The following RABL2A variants were observed in gnomAD, a reference collection of about 807,000 sequenced individuals.
RABL2A encodes the protein rab-like protein 2A.
RABL2A carries 17 observed loss-of-function variants against 30.7 expected under a neutral mutation model. That is an observed-to-expected ratio of 0.55 (90% confidence interval 0.38 to 0.83). RABL2A has a LOEUF of 0.83. RABL2A is among the 40% of genes least tolerant of loss of function. RABL2A has a pLI of 0.00. For synonymous variants in RABL2A, 64 were observed against 101.8 expected, an observed-to-expected ratio of 0.63 and a Z score of 2.24; for missense variants, 155 against 272.6, an observed-to-expected ratio of 0.57 and a Z score of 3.04.
intron 5 of RABL2A, chr2:113,637,669 A>G: frequency 7.8e-7 from 1 of 1,285,064 alleles, no homozygotes; most frequent in Non-Finnish European, 1.0e-6. Flanking sequence ...CAAGAGGATA[A>G]TGGGGCAAGG....
rs529314549 is a variant in RABL2A, at chr2:113,637,879, C to T, written c.297+2749C>T. ...TCTTCTGAAGGCCTGGGGTGTCTCT[C>T]CTGCCACCATGCCTGTGTCTGCAGG... On this transcript the variant is annotated intron_variant, in intron 5 of 8. Transcript: ENST00000683472. 196 of 1,251,028 alleles carry T rather than the reference C, an allele frequency of 1.6e-4. 2 individuals carry two copies. The South Asian group carries it at 2.6e-3, about 16-fold the overall frequency. 77.5% of individuals were successfully genotyped at this position (1,251,028 alleles called of 1,614,324 possible).
At chr2:113,640,232 T>C (rs1312316863) in intron 5 of RABL2A, 3 of 153,068 alleles carry the variant, frequency 2.0e-5, no homozygotes, top group Non-Finnish European at 4.4e-5. Context: ...TAAAACAGTT[T>C]AAGCAATAAA....
rs1684393488 is a variant in RABL2A, at chr2:113,639,747, T to A, written c.298-1147T>A. The stretch of plus-strand genomic sequence containing the variant: ...GGCGCACACCTGTAGTCCCAGCTAC[T>A]GAGGAGGCTGAGACAAGAGAATCAC... On this transcript the variant is annotated intron_variant, in intron 5 of 8. Transcript: ENST00000683472. Among the ~76,000 whole-genome samples, 3 of 151,862 alleles carry A rather than the reference T, an allele frequency of 2.0e-5. No homozygotes were observed. In the South Asian group the frequency reaches 6.2e-4, roughly 32 times the overall value.
chr2:113,636,876 C>G (rs1682973471), intron 5 of RABL2A, among the ~76,000 whole-genome samples: 1 of 151,970 alleles, frequency 6.6e-6, no homozygotes, highest in African/African-American at 2.4e-5. Context: ...GTAGTCCCAG[C>G]TACTCGGGAG....
chr2:113,637,976 G>T, intron 5 of RABL2A: 1 of 985,368 alleles, frequency 1.0e-6, no homozygotes, highest in Non-Finnish European at 1.2e-6. Context: ...GACCACACGG[G>T]GAGCTGAGGG....
chr2:113,632,992 C>T (rs183237298), intron 3 of RABL2A, 48 bp downstream of exon 3: 33 of 1,613,784 alleles, frequency 2.0e-5, no homozygotes, highest in African/African-American at 1.1e-4. Context: ...GGTCTTCCCA[C>T]GCTCATGTAT....
At chr2:113,633,938 A>G (rs1681451400) in intron 3 of RABL2A, 2 of 1,034,126 alleles carry the variant, frequency 1.9e-6, no homozygotes, top group South Asian at 1.7e-5. Flanking sequence ...GCCAGGACAC[A>G]CTCTCATCTC....
chr2:113,639,603 G>A lies in RABL2A; in HGVS notation c.298-1291G>A, dbSNP rs534793220. Among the ~76,000 whole-genome samples the A allele has an allele frequency of 1.8e-3, 279 of 151,780 alleles. 1 individual carries two copies. Among genetic ancestry groups the A allele is most frequent in the African/African-American group, 6.5e-3 (270 of 41,326 alleles). On this transcript the variant is annotated intron_variant, in intron 5 of 8. Coordinates refer to ENST00000683472, the MANE Select transcript of RABL2A (RefSeq NM_001306158.2). ...AGATAGCGCCACTGCACTCCAGCCT[G>A]GGCAACAGAGCAAGACTCCATATAT...
rs80006029 is a variant in RABL2A at position 113,640,951 on chromosome 2, C to T, written c.355C>T (p.Leu119Phe). The T allele has an allele frequency of 4.4e-3, 7,043 of 1,613,736 alleles. 279 individuals carry two copies. In the African/African-American group the frequency reaches 0.077, roughly 18 times the overall value. Residue 119 changes from leucine to phenylalanine, a missense_variant, in exon 6 of 9, where the codon CTT (leucine) becomes TTT (phenylalanine). Leu to Phe is a conservative substitution (Grantham distance 22). Coordinates refer to ENST00000683472, the MANE Select transcript of RABL2A (RefSeq NM_001306158.2). ...GAACCTGAGCACCTGGTATACAGAGCTTCGGGAGTTCAGGCCAGAGATCCC... is the reference window on the plus strand; with the variant it reads ...GAACCTGAGCACCTGGTATACAGAGTTTCGGGAGTTCAGGCCAGAGATCCC... ...YRNLSTWYTELREFRPEIPCI... is the reference protein window; with the variant it reads ...YRNLSTWYTEFREFRPEIPCI...
Position 113,628,576 on chromosome 2 carries a change from G to A in RABL2A, c.-31G>A. The A allele has an allele frequency of 8.1e-7, 1 of 1,236,846 alleles. No homozygotes were observed. The highest frequency in any genetic ancestry group is 1.1e-6 in the Non-Finnish European group (1 of 906,646). The allele number at this position is 1,236,846 out of a possible 1,614,324, so 76.6% of individuals were successfully genotyped here. On this transcript the variant is annotated 5_prime_UTR_variant, in exon 2 of 9. Coordinates refer to ENST00000683472, the MANE Select transcript of RABL2A (RefSeq NM_001306158.2). ...CAGTGACAATACCCTCCCCTCCCTT[G>A]GGCTGGACCCCTCTCTACAGCTAGG...
Position 113,637,004 on chromosome 2 carries a change from AT to A in RABL2A, c.297+1875del, listed in dbSNP as rs1453309783. Among the ~76,000 whole-genome samples, 713 of 120,046 alleles carry A rather than the reference AT, an allele frequency of 5.9e-3. 9 individuals carry two copies. The highest frequency in any genetic ancestry group is 0.026 in the African/African-American group (623 of 24,094). The allele number at this position is 120,046 out of a possible 152,430, so 78.8% of individuals were successfully genotyped here. ...ACTCTGTCTCAAAAAAAATAAAAAA[AT>A]AAAAAAATAAAGTCTGCCATGGCAC... On this transcript the variant is annotated intron_variant, in intron 5 of 8. Transcript: ENST00000683472.
intron 5 of RABL2A, among the ~76,000 whole-genome samples, chr2:113,639,608 A>G (rs1023683039): frequency 8.6e-5 from 13 of 151,418 alleles, no homozygotes; most frequent in African/African-American, 3.2e-4. Context: ...AGCCTGGGCA[A>G]CAGAGCAAGA....
intron 5 of RABL2A, among the ~76,000 whole-genome samples, chr2:113,638,919 T>C (rs1339301199): frequency 6.6e-6 from 1 of 151,260 alleles, no homozygotes; most frequent in African/African-American, 2.4e-5. Flanking sequence ...AAAAATAAAA[T>C]AGGTAAAAAC....
intron 7 of RABL2A, 162 bp from the exon 8 acceptor site, chr2:113,641,619 T>C: frequency 4.7e-6 from 5 of 1,069,616 alleles, no homozygotes; most frequent in Non-Finnish European, 6.9e-6. Context: ...GAGGCAGAAG[T>C]CCATTGACCA....
chr2:113,636,997 TAA>T (rs1443170260), intron 5 of RABL2A, among the ~76,000 whole-genome samples: 1 of 95,636 alleles, frequency 1.0e-5, no homozygotes, highest in African/African-American at 6.9e-5. Flanking sequence ...TCAAAAAAAA[TAA>T]AAAAATAAAA....
At chr2:113,631,064 A>T (rs1368778629) in intron 2 of RABL2A, among the ~76,000 whole-genome samples, 1 of 151,752 alleles carries the variant, frequency 6.6e-6, no homozygotes, top group Non-Finnish European at 1.5e-5. Context: ...TGCCTAGCTA[A>T]TTTTTTTGTA....
chr2:113,642,169 C>A lies in RABL2A; in HGVS notation c.*40C>A, dbSNP rs756469680. The A allele has an allele frequency of 6.4e-7, 1 of 1,570,948 alleles. No homozygotes were observed. The highest frequency in any genetic ancestry group is 1.2e-5 in the South Asian group (1 of 83,530). On this transcript the variant is annotated 3_prime_UTR_variant, in exon 9 of 9. Coordinates refer to ENST00000683472, the MANE Select transcript of RABL2A (RefSeq NM_001306158.2). Reference sequence around the variant, plus strand: ...GGGTGGGTGGAGCCCTTTTAAAATACCCTTCCCTTCAACAACTCTCCAGCT... The same window carrying A: ...GGGTGGGTGGAGCCCTTTTAAAATAACCTTCCCTTCAACAACTCTCCAGCT...
At chr2:113,638,092 T>C in intron 5 of RABL2A, 1 of 985,418 alleles carries the variant, frequency 1.0e-6, no homozygotes, top group South Asian at 4.7e-5. Context: ...GAACAGATGC[T>C]CAGGAAACCA....
chr2:113,635,567 TC>T (rs1159834787), intron 5 of RABL2A: 18 of 264,808 alleles, frequency 6.8e-5, no homozygotes, highest in Non-Finnish European at 1.0e-4. Flanking sequence ...GCCCCTCGCC[TC>T]CCCCCGAGCC....
Sources: allele counts gnomAD v4.1 joint callset (sites outside exome capture counted in the v4.1 genomes callset), GRCh38; gene constraint gnomAD v4.1.1; transcripts MANE v1.5; gene names NCBI Gene and HGNC (gene_info 2026-07-23, HGNC 2026-07-21).